The following NRXN3 variants were observed in gnomAD, a reference collection of about 807,000 sequenced individuals.
The protein encoded by NRXN3 is neurexin III.
A neutral mutation model predicts 137.6 loss-of-function variants in NRXN3; 32 were observed. The ratio of observed to expected loss-of-function variants is 0.23; its 90% CI spans 0.18 to 0.31. NRXN3 has a LOEUF of 0.31. NRXN3 is among the 10% of genes least tolerant of loss of function. The pLI is 1.00. For synonymous variants in NRXN3, 798 were observed against 784.5 expected, an observed-to-expected ratio of 1.02 and a Z score of -0.29; for missense variants, 1,574 against 2,062.5, an observed-to-expected ratio of 0.76 and a Z score of 4.59.
intron 2 of NRXN3, among the ~76,000 whole-genome samples, chr14:78,245,320 C>T (rs535765541): frequency 1.9e-4 from 29 of 152,292 alleles, no homozygotes; most frequent in Admixed American, 1.3e-3. Context: ...AATCTCTTGG[C>T]ATGGGATCCA....
rs946158149 is a variant in NRXN3 at position 78,322,544 on chromosome 14, C to A, written c.757+24684C>A. ...CTGTGGGGCTGCAGACAAATAAATC[C>A]TCCCTCAACTCTGTGCTCCATGTGT... On this transcript the variant is annotated intron_variant, in intron 4 of 20. Coordinates refer to ENST00000335750, the MANE Select transcript of NRXN3 (RefSeq NM_001330195.2). Among the ~76,000 whole-genome samples, 9 of 151,928 alleles carry A rather than the reference C, an allele frequency of 5.9e-5. 1 individual carries two copies. Among genetic ancestry groups the A allele is most frequent in the African/African-American group, 2.2e-4 (9 of 41,246 alleles).
chr14:78,988,783 G>A lies in NRXN3; in HGVS notation c.3262+642G>A, dbSNP rs1431240845. On this transcript the variant is annotated intron_variant, in intron 15 of 20. Coordinates refer to ENST00000335750, the MANE Select transcript of NRXN3 (RefSeq NM_001330195.2). Reference sequence around the variant, plus strand: ...TGTGTGTATATATATGTGTGTGTGTGTGTATATATATGTATGTATGTATTT... The same window carrying A: ...TGTGTGTATATATATGTGTGTGTGTATGTATATATATGTATGTATGTATTT... Among the ~76,000 whole-genome samples the A allele has an allele frequency of 7.3e-5, 11 of 150,606 alleles. No homozygotes were observed. In the South Asian group the frequency reaches 8.4e-4, roughly 11 times the overall value.
At position 79,668,379 on chromosome 14, in the gene NRXN3, G is replaced by A. The variant is rs750406486; in HGVS notation, c.3616+4430G>A. On this transcript the variant is annotated intron_variant, in intron 17 of 20. Coordinates refer to ENST00000335750, the MANE Select transcript of NRXN3 (RefSeq NM_001330195.2). ...TTGAGCCTCACTCCATCCTGTGAAG[G>A]ACAGGGTTTGGTATTATTACTCCTG... Among the ~76,000 whole-genome samples the A allele has an allele frequency of 2.0e-5, 3 of 151,936 alleles. No individual in the cohort carries two copies. The South Asian group carries it at 6.2e-4, about 32-fold the overall frequency.
intron 19 of NRXN3, among the ~76,000 whole-genome samples, chr14:79,699,280 A>G (rs2098746127): frequency 6.6e-6 from 1 of 151,694 alleles, no homozygotes; most frequent in Non-Finnish European, 1.5e-5. Flanking sequence ...AAGGCAATAT[A>G]TATTTCTATT....
intron 9 of NRXN3, among the ~76,000 whole-genome samples, chr14:78,808,693 A>C (rs1431482623): frequency 2.0e-5 from 3 of 152,072 alleles, no homozygotes; most frequent in Admixed American, 2.0e-4. Context: ...CCAAACCCAG[A>C]TTTTTCTCAA....
chr14:78,701,420 A>G (rs1215978027), intron 6 of NRXN3, among the ~76,000 whole-genome samples: 1 of 152,224 alleles, frequency 6.6e-6, no homozygotes, highest in Non-Finnish European at 1.5e-5. Flanking sequence ...TCATGAGGGC[A>G]GAAAAACTGA....
At chr14:78,658,146 T>C (rs1259552046) in intron 6 of NRXN3, among the ~76,000 whole-genome samples, 2 of 152,194 alleles carry the variant, frequency 1.3e-5, no homozygotes, top group Non-Finnish European at 2.9e-5. Flanking sequence ...TGAAGACTAC[T>C]GTGCAGCGTA....
chr14:78,581,378 C>T lies in NRXN3; in HGVS notation c.758-63742C>T, dbSNP rs77239872. ...TCTGCTGAGGGCTGCTCTCTGCTTC[C>T]GGGACGACAGCTTGTTGCTACTTCC... On this transcript the variant is annotated intron_variant, in intron 4 of 20. Transcript: ENST00000335750. Among the ~76,000 whole-genome samples the T allele has an allele frequency of 7.3e-3, 1,109 of 152,298 alleles. 6 individuals are homozygous for T. Among genetic ancestry groups the T allele is most frequent in the Non-Finnish European group, 0.01 (703 of 68,026 alleles).
chr14:79,349,244 CAAATTTTACAG>C (rs1209238204), intron 15 of NRXN3, among the ~76,000 whole-genome samples: 3 of 151,892 alleles, frequency 2.0e-5, no homozygotes, highest in Non-Finnish European at 2.9e-5. Flanking sequence ...CTAAAAAATT[CAAATTTTACAG>C]AAATTTTACA....
At chr14:78,949,606 A>ATT (rs1567795447) in intron 10 of NRXN3, among the ~76,000 whole-genome samples, 10 of 112,450 alleles carry the variant, frequency 8.9e-5, no homozygotes, top group African/African-American at 4.4e-4. Flanking sequence ...TTTTTTTTAA[A>ATT]AAAAAACTAC....
At chr14:79,332,195 T>TA (rs987894191) in intron 15 of NRXN3, among the ~76,000 whole-genome samples, 274 of 152,326 alleles carry the variant, frequency 1.8e-3, no homozygotes, top group African/African-American at 6.2e-3. Flanking sequence ...CCGTTACTTG[T>TA]AATGGCAAAA....
chr14:78,523,944 G>T (rs973754435), intron 4 of NRXN3, among the ~76,000 whole-genome samples: 1 of 151,396 alleles, frequency 6.6e-6, no homozygotes, highest in Non-Finnish European at 1.5e-5. Flanking sequence ...ATACTCAAAT[G>T]AATTTCCTTT....
intron 3 of NRXN3, among the ~76,000 whole-genome samples, chr14:78,291,349 G>A (rs1223787815): frequency 2.0e-5 from 3 of 152,124 alleles, no homozygotes; most frequent in East Asian, 1.9e-4. Flanking sequence ...GCCATGTCTC[G>A]TCTGTGATAA....
intron 7 of NRXN3, among the ~76,000 whole-genome samples, chr14:78,713,147 G>T (rs189327044): frequency 2.0e-5 from 3 of 152,176 alleles, no homozygotes; most frequent in Non-Finnish European, 4.4e-5. Context: ...TTGGCCTAGG[G>T]TCATAAAGAC....
In NRXN3 at chr14:78,971,146, G is replaced by C. The variant is rs2099437967; in HGVS notation, c.3142+2800G>C. On this transcript the variant is annotated intron_variant, in intron 14 of 20. Coordinates refer to ENST00000335750, the MANE Select transcript of NRXN3 (RefSeq NM_001330195.2). Reference sequence around the variant, plus strand: ...AGGAGCATTTTAGGGTTCTGTGTAAGATGGTGGGGAGGTAAAGGGAGAGCA... The same window carrying C: ...AGGAGCATTTTAGGGTTCTGTGTAACATGGTGGGGAGGTAAAGGGAGAGCA... Among the ~76,000 whole-genome samples the C allele has an allele frequency of 2.0e-5, 3 of 152,148 alleles. No homozygotes were observed. The South Asian group carries it at 6.2e-4, about 32-fold the overall frequency.
chr14:78,830,898 C>T (rs1205939241), intron 10 of NRXN3, among the ~76,000 whole-genome samples: 1 of 152,132 alleles, frequency 6.6e-6, no homozygotes, highest in Non-Finnish European at 1.5e-5. Flanking sequence ...TTACTTTAGA[C>T]ATCAATGGAA....
intron 20 of NRXN3, among the ~76,000 whole-genome samples, chr14:79,854,938 T>C (rs1478176250): frequency 4.6e-5 from 7 of 152,194 alleles, no homozygotes; most frequent in Non-Finnish European, 8.8e-5. Context: ...TATTGTTCTA[T>C]GATACTGACG....
chr14:79,137,262 A>G (rs1409676806), intron 15 of NRXN3, among the ~76,000 whole-genome samples: 1 of 152,178 alleles, frequency 6.6e-6, no homozygotes, highest in Non-Finnish European at 1.5e-5. Flanking sequence ...AGCTGGAGGA[A>G]GGTGACAGGA....
At chr14:79,014,464 A>G (rs1025246412) in intron 15 of NRXN3, among the ~76,000 whole-genome samples, 1 of 152,148 alleles carries the variant, frequency 6.6e-6, no homozygotes, top group Non-Finnish European at 1.5e-5. Flanking sequence ...GTAGTATTCC[A>G]TGGCATATAT....
Sources: gnomAD v4.1 joint callset for allele counts (sites outside exome capture counted in the v4.1 genomes callset) on GRCh38, gnomAD v4.1.1 for gene constraint, MANE v1.5 for transcripts, NCBI Gene and HGNC (gene_info 2026-07-23, HGNC 2026-07-21) for gene names.